Variants in FOXN3 observed in about 807,000 individuals in gnomAD.
FOXN3 encodes forkhead box N3, also known as forkhead box protein N3.
FOXN3 carries 7 observed loss-of-function variants against 38.4 expected under a neutral mutation model. That is an observed-to-expected ratio of 0.18 (90% CI 0.10 to 0.34). The LOEUF (loss-of-function observed/expected upper bound fraction) is 0.34, where lower values mean the gene tolerates loss of function less well. FOXN3 is among the 10% of genes least tolerant of loss of function. The pLI, the probability that FOXN3 is intolerant of heterozygous loss-of-function variation, is 1.00. For synonymous variants in FOXN3, 230 were observed against 242.2 expected, an observed-to-expected ratio of 0.95 and a Z score of 0.47; for missense variants, 456 against 613.4, an observed-to-expected ratio of 0.74 and a Z score of 2.71.
chr14:89,568,405 C>A (rs190350317), intron 1 of FOXN3, among the ~76,000 whole-genome samples: 2 of 152,286 alleles, frequency 1.3e-5, no homozygotes, highest in Non-Finnish European at 2.9e-5. Flanking sequence ...TAACCTCCTC[C>A]CTGCCCCTGA....
At chr14:89,312,099 A>G (rs769001878) in intron 3 of FOXN3, among the ~76,000 whole-genome samples, 19 of 151,930 alleles carry the variant, frequency 1.3e-4, no homozygotes, top group Non-Finnish European at 2.6e-4. Context: ...AGCCTGGCCA[A>G]CATGGTGAAA....
At chr14:89,584,407 T>TAAA (rs1895805483) in intron 1 of FOXN3, among the ~76,000 whole-genome samples, 1 of 151,886 alleles carries the variant, frequency 6.6e-6, no homozygotes, top group Non-Finnish European at 1.5e-5. Flanking sequence ...TCTTGATAAA[T>TAAA]AAATAATAAA....
At chr14:89,431,092 CTTTTT>C (rs1053592366) in intron 1 of FOXN3, among the ~76,000 whole-genome samples, 1 of 152,194 alleles carries the variant, frequency 6.6e-6, no homozygotes, top group African/African-American at 2.4e-5. Context: ...AGCAATCTTT[CTTTTT>C]TAAGTAGAGA....
chr14:89,559,899 A>C (rs555451536), intron 1 of FOXN3, among the ~76,000 whole-genome samples: 7 of 152,194 alleles, frequency 4.6e-5, no homozygotes, highest in Admixed American at 1.3e-4. Context: ...TCTTCCAAAA[A>C]CAGTGAGGGT....
chr14:89,274,693 A>C (rs1250740377), intron 4 of FOXN3, among the ~76,000 whole-genome samples: 1 of 152,240 alleles, frequency 6.6e-6, no homozygotes, highest in Admixed American at 6.5e-5. Context: ...CCTGCTGTGA[A>C]TATACACTTT....
At chr14:89,537,192 G>A (rs926314530) in intron 1 of FOXN3, among the ~76,000 whole-genome samples, 1 of 152,204 alleles carries the variant, frequency 6.6e-6, no homozygotes, top group African/African-American at 2.4e-5. Context: ...ATTCATCTTT[G>A]TAATACCAAC....
At chr14:89,401,479 G>A (rs1358856627) in intron 2 of FOXN3, 7 of 425,180 alleles carry the variant, frequency 1.6e-5, no homozygotes, top group South Asian at 8.5e-5. Context: ...AACCATAGCT[G>A]CAAACACCAG....
chr14:89,449,424 C>T (rs1892572133), intron 1 of FOXN3, among the ~76,000 whole-genome samples: 1 of 152,170 alleles, frequency 6.6e-6, no homozygotes. Context: ...TCTCAAACCC[C>T]GAGTCTCCAG....
Position 89,158,728 on chromosome 14 carries a change from GAA to G in FOXN3, c.*3684_*3685del, listed in dbSNP as rs1887033214. 1 of 152,282 alleles carries G rather than the reference GAA, an allele frequency of 6.6e-6. No individual in the cohort carries two copies. Among genetic ancestry groups the G allele is most frequent in the Non-Finnish European group, 1.5e-5 (1 of 67,958 alleles). 9.4% of individuals were successfully genotyped at this position (152,282 alleles called of 1,614,324 possible). On this transcript the variant is annotated 3_prime_UTR_variant, in exon 6 of 6. Transcript: ENST00000557258. ...AACTGTTTATATGTATATCATTTAA[GAA>G]AAAAAAGAGTGACTGTCTCTTTCTC...
At chr14:89,493,444 A>G (rs1242821961) in intron 1 of FOXN3, among the ~76,000 whole-genome samples, 1 of 152,214 alleles carries the variant, frequency 6.6e-6, no homozygotes, top group East Asian at 1.9e-4. Context: ...TTGCAAAGTC[A>G]CACACTTACA....
At chr14:89,299,146 T>C (rs1376348291) in intron 3 of FOXN3, among the ~76,000 whole-genome samples, 1 of 152,224 alleles carries the variant, frequency 6.6e-6, no homozygotes, top group Non-Finnish European at 1.5e-5. Context: ...GTAGCTGATA[T>C]GGTTTGGCTG....
chr14:89,187,019 C>T (rs2139803500), intron 4 of FOXN3, among the ~76,000 whole-genome samples: 1 of 152,304 alleles, frequency 6.6e-6, no homozygotes, highest in East Asian at 1.9e-4. Flanking sequence ...GTCTGCCGGC[C>T]TTGAGCTACC....
intron 4 of FOXN3, among the ~76,000 whole-genome samples, chr14:89,220,353 G>A (rs1884425736): frequency 1.3e-5 from 2 of 152,172 alleles, no homozygotes; most frequent in South Asian, 4.1e-4. Context: ...CTGTAAAATG[G>A]GCTGAGGATT....
chr14:89,560,255 C>T (rs2139877841), intron 1 of FOXN3, among the ~76,000 whole-genome samples: 1 of 152,268 alleles, frequency 6.6e-6, no homozygotes, highest in Admixed American at 6.5e-5. Context: ...TCCACCAGGT[C>T]CCTCCCCCAA....
chr14:89,569,180 G>A (rs28446914), intron 1 of FOXN3, among the ~76,000 whole-genome samples: 2 of 152,058 alleles, frequency 1.3e-5, no homozygotes, highest in African/African-American at 2.4e-5. Context: ...ACTCTAGCCT[G>A]GGGGACAGAG....
intron 4 of FOXN3, among the ~76,000 whole-genome samples, chr14:89,262,917 A>T (rs1885851980): frequency 6.6e-6 from 1 of 152,208 alleles, no homozygotes; most frequent in East Asian, 1.9e-4. Flanking sequence ...GAGAAAGAGG[A>T]TTCTTTTCAA....
intron 1 of FOXN3, among the ~76,000 whole-genome samples, chr14:89,605,170 A>G (rs1490402517): frequency 6.6e-6 from 1 of 152,222 alleles, no homozygotes; most frequent in Non-Finnish European, 1.5e-5. Context: ...GAGATTAAAA[A>G]AAAACACAAA....
chr14:89,375,010 T>C (rs534748730), intron 2 of FOXN3, among the ~76,000 whole-genome samples: 2 of 150,938 alleles, frequency 1.3e-5, no homozygotes, highest in South Asian at 2.1e-4. Context: ...TATGTTATGA[T>C]TGCATTAATA....
chr14:89,410,533 ACTT>A (rs1327169587), intron 2 of FOXN3, among the ~76,000 whole-genome samples: 2 of 152,184 alleles, frequency 1.3e-5, no homozygotes, highest in Non-Finnish European at 2.9e-5. Flanking sequence ...TTTGTTTTCC[ACTT>A]CTTAACAGCT....
Sources: allele counts gnomAD v4.1 joint callset (sites outside exome capture counted in the v4.1 genomes callset), GRCh38; gene constraint gnomAD v4.1.1; transcripts MANE v1.5; gene names NCBI Gene and HGNC (gene_info 2026-07-23, HGNC 2026-07-21).